DRG1: variants seen among roughly 807,000 people sequenced by gnomAD.
DRG1 encodes developmentally regulated GTP binding protein 1.
Under a neutral mutation model 38.8 loss-of-function variants are expected in DRG1, and 19 were observed. The observed-to-expected ratio is 0.49, with a 90% confidence interval of 0.34 to 0.72. DRG1 has a LOEUF of 0.72. Among genes scored for constraint, DRG1 ranks in the 30% least tolerant of loss-of-function variants. The pLI is 0.01. For synonymous variants in DRG1, 167 were observed against 157.5 expected, an observed-to-expected ratio of 1.06 and a Z score of -0.45; for missense variants, 299 against 444.8, an observed-to-expected ratio of 0.67 and a Z score of 2.95.
At chr22:31,423,086 C>G (rs910772080) in intron 5 of DRG1, among the ~76,000 whole-genome samples, 194 bp from the exon 6 acceptor site, 2 of 152,168 alleles carry the variant, frequency 1.3e-5, no homozygotes, top group African/African-American at 2.4e-5. Context: ...AGGAGGAACA[C>G]AGTTCAGCGT....
In DRG1 at chr22:31,426,418, T is replaced by A. The variant is rs532304299; in HGVS notation, c.714-197T>A. ...TCCTAGCAGTTAGCTTTGTGGCTGG[T>A]ACTAGGGCCTGACTTCTGTTACTTT... is the stretch of plus-strand genomic sequence containing the variant. On this transcript the variant is annotated intron_variant, in intron 6 of 8. Coordinates refer to ENST00000331457, the MANE Select transcript of DRG1 (RefSeq NM_004147.4). The A allele has an allele frequency of 7.7e-6, 4 of 517,484 alleles. No homozygotes were observed. The East Asian group carries it at 1.3e-4, about 16-fold the overall frequency. The allele number at this position is 517,484 out of a possible 1,614,324, so 32.1% of individuals were successfully genotyped here. A position where few individuals can be genotyped will look rare whatever the true frequency, so the allele number is the denominator to read the frequency against.
At chr22:31,414,814 C>G (rs1371253114) in intron 4 of DRG1, among the ~76,000 whole-genome samples, 2 of 148,298 alleles carry the variant, frequency 1.3e-5, no homozygotes, top group Non-Finnish European at 1.5e-5. Context: ...GGATCTTGCT[C>G]TCTTGCCCAG....
At chr22:31,399,760 G>A (rs1017491797) in intron 1 of DRG1, 35 bp downstream of exon 1, 1 of 1,613,954 alleles carries the variant, frequency 6.2e-7, no homozygotes, top group Non-Finnish European at 8.5e-7. Flanking sequence ...CTCTTAGTCT[G>A]AGCATTCCTT....
At chr22:31,411,176 A>G in intron 4 of DRG1, 95 bp downstream of exon 4, 1 of 1,302,792 alleles carries the variant, frequency 7.7e-7, no homozygotes, top group Non-Finnish European at 1.1e-6. Flanking sequence ...ATTATACCAC[A>G]GTGAAGGGCA....
At chr22:31,415,671 C>T (rs2050040848) in intron 4 of DRG1, among the ~76,000 whole-genome samples, 1 of 151,920 alleles carries the variant, frequency 6.6e-6, no homozygotes, top group African/African-American at 2.4e-5. Context: ...TTTATTTTTT[C>T]TTATGGTTTG....
chr22:31,426,563 A>C, intron 6 of DRG1, 52 bp from the exon 7 acceptor site: 1 of 1,519,638 alleles, frequency 6.6e-7, no homozygotes, highest in South Asian at 1.2e-5. Context: ...ACAGTCTGAC[A>C]GTTCTGTCAA....
rs2049989107 is a variant in DRG1 at position 31,406,083 on chromosome 22, C to T, written c.342+2879C>T. Among the ~76,000 whole-genome samples, 3 of 151,380 alleles carry T rather than the reference C, an allele frequency of 2.0e-5. No homozygotes were observed. In the South Asian group the frequency reaches 6.3e-4, roughly 32 times the overall value. On this transcript the variant is annotated intron_variant, in intron 3 of 8. Transcript: ENST00000331457. ...GCAGTGGCACAATCTCGGCTCACTC[C>T]AACCTCCTCCCGGCTTCAAGTGATT...
chr22:31,426,709 A>T lies in DRG1; in HGVS notation c.808A>T (p.Ile270Phe). ...CTATAAGGTGCCTCACTGTGTACCC[A>T]TCTCTGCCCATCACCGCTGGAATTT... ...IIYKVPHCVP[I>F]SAHHRWNFDD... Residue 270 changes from isoleucine (I) to phenylalanine (F), a missense_variant, in exon 7 of 9, where the codon ATC becomes TTC. Coordinates refer to ENST00000331457, the MANE Select transcript of DRG1 (RefSeq NM_004147.4). 6.2e-7 allele frequency: 1 copy of T among 1,614,168 alleles called. No individual in the cohort carries two copies. Among genetic ancestry groups the T allele is most frequent in the African/African-American group, 1.3e-5 (1 of 75,044 alleles).
At chr22:31,425,044 C>T (rs2050102301) in intron 6 of DRG1, among the ~76,000 whole-genome samples, 1 of 152,058 alleles carries the variant, frequency 6.6e-6, no homozygotes, top group Non-Finnish European at 1.5e-5. Context: ...AGTCTGCCTG[C>T]CTCTGCCTCC....
Position 31,427,050 on chromosome 22 carries a change from T to C in DRG1, c.882-10T>C. On this transcript the variant is annotated splice_polypyrimidine_tract_variant and intron_variant, in intron 7 of 8. Transcript: ENST00000331457. The stretch of plus-strand genomic sequence containing the variant: ...AGAAGGCAGTAATCTTTATGCCCTC[T>C]CTATTCTAGTTACACCAAACCCAAA... 2.5e-6 allele frequency: 4 copies of C among 1,613,722 alleles called. No homozygotes were observed. The highest frequency in any genetic ancestry group is 3.4e-6 in the Non-Finnish European group (4 of 1,179,814).
chr22:31,426,213 G>T (rs2050109409), intron 6 of DRG1, among the ~76,000 whole-genome samples: 1 of 152,136 alleles, frequency 6.6e-6, no homozygotes. Flanking sequence ...AATGAAACCT[G>T]CAGATGCTCA....
At chr22:31,408,891 A>C (rs559618932) in intron 3 of DRG1, among the ~76,000 whole-genome samples, 1 of 151,880 alleles carries the variant, frequency 6.6e-6, no homozygotes, top group Non-Finnish European at 1.5e-5. Flanking sequence ...ATTTGTTTTA[A>C]CTGTTTTGAC....
At chr22:31,404,248 C>CTT (rs535637820) in intron 3 of DRG1, among the ~76,000 whole-genome samples, 18 of 138,254 alleles carry the variant, frequency 1.3e-4, no homozygotes, top group African/African-American at 2.9e-4. Context: ...CCTTAATCTT[C>CTT]TTTTTTTTTT....
intron 5 of DRG1, among the ~76,000 whole-genome samples, chr22:31,422,325 G>A (rs745555311): frequency 3.9e-5 from 6 of 151,916 alleles, no homozygotes; most frequent in Non-Finnish European, 7.4e-5. Context: ...CTGGTACTTC[G>A]GAGGCTGAGG....
At chr22:31,411,696 ATT>A (rs58050898) in intron 4 of DRG1, among the ~76,000 whole-genome samples, 5 of 143,100 alleles carry the variant, frequency 3.5e-5, no homozygotes, top group Non-Finnish European at 3.1e-5. Flanking sequence ...TGCCTGGCTA[ATT>A]TTTTTTTTTT....
At chr22:31,429,948 G>A (rs1348520236) in intron 8 of DRG1, among the ~76,000 whole-genome samples, 2 of 152,016 alleles carry the variant, frequency 1.3e-5, no homozygotes, top group Non-Finnish European at 2.9e-5. Context: ...TTTATTTATT[G>A]TAGAGATGGG....
intron 3 of DRG1, among the ~76,000 whole-genome samples, chr22:31,403,611 G>C (rs976461709): frequency 6.6e-6 from 1 of 152,126 alleles, no homozygotes; most frequent in Non-Finnish European, 1.5e-5. Context: ...CTGAGGGTGG[G>C]GGCTGGGACT....
intron 4 of DRG1, among the ~76,000 whole-genome samples, chr22:31,419,891 C>G (rs2050066663): frequency 6.6e-6 from 1 of 152,022 alleles, no homozygotes; most frequent in South Asian, 2.1e-4. Context: ...TACTAAAATA[C>G]AATTAGCCAG....
At chr22:31,422,333 A>T (rs1387869400) in intron 5 of DRG1, among the ~76,000 whole-genome samples, 1 of 151,560 alleles carries the variant, frequency 6.6e-6, no homozygotes, top group Non-Finnish European at 1.5e-5. Context: ...TCGGAGGCTG[A>T]GGCAGGAGAA....
Sources: allele counts gnomAD v4.1 joint callset (sites outside exome capture counted in the v4.1 genomes callset), GRCh38; gene constraint gnomAD v4.1.1; transcripts MANE v1.5; gene names NCBI Gene and HGNC (gene_info 2026-07-23, HGNC 2026-07-21).